Variants in NPSR1 observed in about 807,000 individuals in gnomAD.
The protein encoded by NPSR1 is neuropeptide S receptor 1, also known as neuropeptide S receptor.
Under a neutral mutation model 46.9 loss-of-function variants are expected in NPSR1, and 48 were observed. The ratio of observed to expected loss-of-function variants is 1.02; its 90% CI spans 0.81 to 1.30. The LOEUF is 1.30. Ranked by LOEUF, NPSR1 falls within the 50% of genes most tolerant of loss-of-function variation. The pLI is 0.00. For synonymous variants in NPSR1, 176 were observed against 168.1 expected, an observed-to-expected ratio of 1.05 and a Z score of -0.36; for missense variants, 450 against 449.5, an observed-to-expected ratio of 1.00 and a Z score of -0.01.
intron 2 of NPSR1, among the ~76,000 whole-genome samples, chr7:34,773,390 G>A (rs1272232177): frequency 6.6e-6 from 1 of 152,154 alleles, no homozygotes; most frequent in African/African-American, 2.4e-5. Flanking sequence ...ACAATTAAGT[G>A]GGTCCCCTGA....
At chr7:34,703,411 T>A (rs1583842892) in intron 2 of NPSR1, among the ~76,000 whole-genome samples, 1 of 58,284 alleles carries the variant, frequency 1.7e-5, no homozygotes, top group Non-Finnish European at 3.4e-5. Context: ...AATAAAGCAT[T>A]TTTTTTTTCA....
intron 5 of NPSR1, among the ~76,000 whole-genome samples, chr7:34,828,974 C>G (rs1244086267): frequency 2.0e-5 from 3 of 152,170 alleles, no homozygotes; most frequent in Non-Finnish European, 4.4e-5. Flanking sequence ...CTTTGCCAAC[C>G]TAAGAGTTTA....
At chr7:34,871,116 G>C (rs575118427) in intron 8 of NPSR1, among the ~76,000 whole-genome samples, 8 of 151,904 alleles carry the variant, frequency 5.3e-5, no homozygotes, top group African/African-American at 1.9e-4. Context: ...ATTGGTTCAT[G>C]GTTCTGCAGG....
intron 8 of NPSR1, among the ~76,000 whole-genome samples, chr7:34,875,613 G>A (rs1312353515): frequency 2.6e-5 from 4 of 152,186 alleles, no homozygotes; most frequent in African/African-American, 7.2e-5. Context: ...TCGAGCCCCA[G>A]TGCCTCCTGG....
chr7:34,849,501 T>A (rs1790867002), intron 8 of NPSR1, 64 bp from the exon 9 acceptor site: 1 of 1,604,984 alleles, frequency 6.2e-7, no homozygotes, highest in Non-Finnish European at 8.5e-7. Context: ...TCTCTTAACA[T>A]GTCTACTTGC....
At chr7:34,688,699 G>A (rs76711586) in intron 2 of NPSR1, among the ~76,000 whole-genome samples, 2,753 of 152,238 alleles carry the variant, frequency 0.018, 37 homozygotes, top group Middle Eastern at 0.037. Context: ...CCCAACTCGA[G>A]GTGCACCTGC....
intron 2 of NPSR1, among the ~76,000 whole-genome samples, chr7:34,692,011 G>T (rs1793287529): frequency 6.6e-6 from 1 of 152,146 alleles, no homozygotes; most frequent in South Asian, 2.1e-4. Context: ...CATGCCTGTA[G>T]TCTAAGCAAC....
At chr7:34,870,293 C>T (rs974014602) in intron 8 of NPSR1, among the ~76,000 whole-genome samples, 2 of 151,738 alleles carry the variant, frequency 1.3e-5, no homozygotes, top group African/African-American at 4.9e-5. Flanking sequence ...ATCAATATCC[C>T]CAGCCCCTGG....
At chr7:34,783,724 G>T (rs147222157) in intron 3 of NPSR1, among the ~76,000 whole-genome samples, 46 of 151,958 alleles carry the variant, frequency 3.0e-4, no homozygotes, top group African/African-American at 9.4e-4. Flanking sequence ...TAATCAAACT[G>T]TCAAAAATCA....
chr7:34,684,587 T>C lies in NPSR1; in HGVS notation c.183T>C (p.Val61=), dbSNP rs1021510563. 1 of 1,613,730 alleles carries C rather than the reference T, an allele frequency of 6.2e-7. No individual in the cohort carries two copies. Among genetic ancestry groups the C allele is most frequent in the Non-Finnish European group, 8.5e-7 (1 of 1,179,884 alleles). The change falls in exon 2 of 9, where the codon GTT becomes GTC. Residue 61 remains valine, a synonymous_variant. Coordinates refer to ENST00000360581, the MANE Select transcript of NPSR1 (RefSeq NM_207172.2). ...TGATAACTCTGTGGGTCCTCTTTGT[T>C]TTTACCATTGTTGGAAACTCCGTTG... ...EQLITLWVLF[V]FTIVGNSVVL...
At chr7:34,844,548 G>C (rs1790680633) in intron 6 of NPSR1, among the ~76,000 whole-genome samples, 1 of 152,148 alleles carries the variant, frequency 6.6e-6, no homozygotes. Flanking sequence ...GGGTGTCTCA[G>C]CATAGCCAGG....
chr7:34,864,261 C>T (rs4445129), intron 8 of NPSR1, among the ~76,000 whole-genome samples: 42,070 of 151,160 alleles, frequency 0.28, 6,441 homozygotes, highest in Middle Eastern at 0.35. Context: ...TTAGGAGAAA[C>T]ACCTAATGTA....
chr7:34,827,747 A>G (rs1175076472), intron 5 of NPSR1, 145 bp downstream of exon 5: 7 of 644,794 alleles, frequency 1.1e-5, no homozygotes, highest in Non-Finnish European at 1.9e-5. Flanking sequence ...TTTTATGTGT[A>G]GCTACCATAG....
chr7:34,752,763 C>CT (rs1206695528), intron 2 of NPSR1, among the ~76,000 whole-genome samples: 1 of 152,126 alleles, frequency 6.6e-6, no homozygotes, highest in Non-Finnish European at 1.5e-5. Flanking sequence ...ACCTGTGGTC[C>CT]TTACTTCATG....
At chr7:34,688,708 G>C (rs575136207) in intron 2 of NPSR1, among the ~76,000 whole-genome samples, 1 of 152,300 alleles carries the variant, frequency 6.6e-6, no homozygotes, top group Non-Finnish European at 1.5e-5. Context: ...AGGTGCACCT[G>C]CTCCTCCAGA....
At chr7:34,863,795 A>G (rs1208898861) in intron 8 of NPSR1, among the ~76,000 whole-genome samples, 1 of 151,770 alleles carries the variant, frequency 6.6e-6, no homozygotes, top group Non-Finnish European at 1.5e-5. Context: ...AATTAGTTCA[A>G]CCATTGTGGA....
intron 2 of NPSR1, among the ~76,000 whole-genome samples, chr7:34,725,978 T>C (rs112058212): frequency 7.7e-4 from 117 of 152,312 alleles, no homozygotes; most frequent in African/African-American, 2.7e-3. Flanking sequence ...ATGTAAGATA[T>C]GACTTTGCTC....
At chr7:34,787,756 T>A (rs931418523) in intron 3 of NPSR1, among the ~76,000 whole-genome samples, 5 of 152,124 alleles carry the variant, frequency 3.3e-5, no homozygotes, top group African/African-American at 4.8e-5. Flanking sequence ...AACAACCAGT[T>A]GGTGGAGCTG....
intron 2 of NPSR1, among the ~76,000 whole-genome samples, chr7:34,713,941 C>A (rs1161719942): frequency 1.3e-5 from 2 of 152,250 alleles, no homozygotes; most frequent in African/African-American, 2.4e-5. Flanking sequence ...TGCTGTGTAA[C>A]AAACCATCCC....
Sources: gnomAD v4.1 joint callset for allele counts (sites outside exome capture counted in the v4.1 genomes callset) on GRCh38, gnomAD v4.1.1 for gene constraint, MANE v1.5 for transcripts, NCBI Gene and HGNC (gene_info 2026-07-23, HGNC 2026-07-21) for gene names.